EFCAB11: variants seen among roughly 807,000 people sequenced by gnomAD.
The protein encoded by EFCAB11 is EF-hand calcium binding domain 11, also known as EF-hand calcium-binding domain-containing protein 11.
A neutral mutation model predicts 23.0 loss-of-function variants in EFCAB11; 14 were observed. The ratio of observed to expected loss-of-function variants is 0.61; its 90% CI spans 0.40 to 0.95. The LOEUF is 0.95. Among genes scored for constraint, EFCAB11 ranks in the 40% least tolerant of loss-of-function variants. EFCAB11 has a pLI of 0.00. For synonymous variants in EFCAB11, 65 were observed against 66.6 expected (o/e 0.98, Z 0.11); for missense variants, 198 against 195.8 (o/e 1.01, Z -0.07).
chr14:89,861,106 C>T lies in EFCAB11; in HGVS notation c.411-63782G>A, dbSNP rs73318902. ...CTGTCTTCTCTTTGCTTCCATGAAA[C>T]TGTAAGTTCCCGGTTCTCCTCTGAC... On this transcript the variant is annotated intron_variant, in intron 5 of 5. Transcript: ENST00000316738. Among the ~76,000 whole-genome samples, 351 of 152,316 alleles carry T rather than the reference C, an allele frequency of 2.3e-3. 2 individuals carry two copies. Among genetic ancestry groups the T allele is most frequent in the African/African-American group, 8.2e-3 (339 of 41,560 alleles).
chr14:89,827,027 G>GA (rs1334024032), intron 5 of EFCAB11, among the ~76,000 whole-genome samples: 1 of 152,164 alleles, frequency 6.6e-6, no homozygotes. Flanking sequence ...GATTCGGTTA[G>GA]AAAATCAGAA....
intron 5 of EFCAB11, among the ~76,000 whole-genome samples, chr14:89,806,401 T>C (rs1170998496): frequency 1.3e-5 from 2 of 152,198 alleles, no homozygotes; most frequent in Non-Finnish European, 2.9e-5. Flanking sequence ...TATCAAGTGC[T>C]TTAACAGAGC....
rs1885553608 is a variant in EFCAB11 at position 89,795,673 on chromosome 14, A to C, written c.*1570T>G. The C allele has an allele frequency of 6.6e-6, 1 of 152,086 alleles. No individual in the cohort carries two copies. The highest frequency in any genetic ancestry group is 1.5e-5 in the Non-Finnish European group (1 of 68,010). 9.4% of individuals were successfully genotyped at this position (152,086 alleles called of 1,614,324 possible). ...AAAGTGAGACTCTGTCTCAAAAAAA[A>C]CCCGCAAACGTTTATTTTTATTAAG... On this transcript the variant is annotated 3_prime_UTR_variant, in exon 6 of 6. Coordinates refer to ENST00000316738, the MANE Select transcript of EFCAB11 (RefSeq NM_145231.4).
intron 5 of EFCAB11, among the ~76,000 whole-genome samples, chr14:89,808,992 CAGTT>C (rs1057136455): frequency 2.6e-5 from 4 of 152,174 alleles, no homozygotes; most frequent in African/African-American, 9.7e-5. Context: ...CTTCAGCTAA[CAGTT>C]AGAATTTGTT....
chr14:89,833,466 G>C (rs1041615168), intron 5 of EFCAB11, among the ~76,000 whole-genome samples: 1 of 152,074 alleles, frequency 6.6e-6, no homozygotes, highest in Non-Finnish European at 1.5e-5. Context: ...ATTATTTGTC[G>C]GATGAATGAT....
intron 5 of EFCAB11, among the ~76,000 whole-genome samples, chr14:89,896,208 C>A (rs2140195979): frequency 6.6e-6 from 1 of 152,230 alleles, no homozygotes; most frequent in East Asian, 1.9e-4. Flanking sequence ...CATGGTGAAA[C>A]CCCGTCTCTA....
intron 5 of EFCAB11, among the ~76,000 whole-genome samples, chr14:89,886,988 A>C (rs1888809327): frequency 6.6e-6 from 1 of 152,208 alleles, no homozygotes; most frequent in Non-Finnish European, 1.5e-5. Flanking sequence ...TATAGATTTG[A>C]ATTAACAAAG....
chr14:89,925,648 C>CTTTCTTTTTTT (rs749910856), intron 5 of EFCAB11, among the ~76,000 whole-genome samples: 8 of 134,712 alleles, frequency 5.9e-5, no homozygotes, highest in African/African-American at 2.0e-4. Context: ...ATGTTTCTTT[C>CTTTCTTTTTTT]TTTTTTTTTT....
intron 5 of EFCAB11, among the ~76,000 whole-genome samples, chr14:89,873,672 C>T (rs1370859375): frequency 6.6e-6 from 1 of 152,182 alleles, no homozygotes; most frequent in African/African-American, 2.4e-5. Context: ...AACAAAGGGG[C>T]TACAGGCCCC....
At chr14:89,860,071 G>T (rs1887874482) in intron 5 of EFCAB11, among the ~76,000 whole-genome samples, 1 of 152,068 alleles carries the variant, frequency 6.6e-6, no homozygotes, top group Non-Finnish European at 1.5e-5. Flanking sequence ...AGGACTAAAA[G>T]ATATCTTCAG....
At chr14:89,954,245 T>C in intron 1 of EFCAB11, 1 of 1,234,046 alleles carries the variant, frequency 8.1e-7, no homozygotes, top group Non-Finnish European at 1.1e-6. Context: ...CGCAAATTAA[T>C]TCATTTAGGC....
intron 5 of EFCAB11, among the ~76,000 whole-genome samples, chr14:89,808,340 C>T (rs944215384): frequency 5.3e-5 from 8 of 152,166 alleles, no homozygotes; most frequent in Non-Finnish European, 1.2e-4. Context: ...TTAGCAAATA[C>T]TCACCAGTAA....
intron 5 of EFCAB11, among the ~76,000 whole-genome samples, chr14:89,881,402 C>G (rs1339886046): frequency 8.1e-6 from 1 of 123,326 alleles, no homozygotes; most frequent in Non-Finnish European, 1.7e-5. Flanking sequence ...AAATTTTTAT[C>G]TAAACTATTT....
chr14:89,865,007 G>A (rs556236880), intron 5 of EFCAB11, among the ~76,000 whole-genome samples: 56 of 152,332 alleles, frequency 3.7e-4, no homozygotes, highest in African/African-American at 1.3e-3. Flanking sequence ...CAACCTTAGA[G>A]AGAAGCCAAG....
rs760410476 is a variant in EFCAB11, at chr14:89,931,574, T to G, written c.377A>C (p.Lys126Thr). 3 of 1,614,188 alleles carry G rather than the reference T, an allele frequency of 1.9e-6. No homozygotes were observed. The highest frequency in any genetic ancestry group is 2.5e-6 in the Non-Finnish European group (3 of 1,180,020). Residue 126 changes from lysine (K) to threonine (T), a missense_variant, in exon 5 of 6, where the codon AAA (lysine) becomes ACA (threonine). Transcript: ENST00000316738. ...FKKAFRQVAP[K>T]LPERTVLEVF... ...CTCAAGAACAGTCCTTTCCGGTAAT[T>G]TGGGAGCCACCTGCCTAAATGCTTT...
At position 89,931,487 on chromosome 14, in the gene EFCAB11, T is replaced by A. The variant is rs1274171504; in HGVS notation, c.410+54A>T. The A allele has an allele frequency of 3.4e-6, 5 of 1,478,332 alleles. 1 individual carries two copies. In the East Asian group the frequency reaches 1.1e-4, roughly 34 times the overall value. The allele number at this position is 1,478,332 out of a possible 1,614,324, so 91.6% of individuals were successfully genotyped here. ...TTCTTTCCATAAAGTCAAAAACATG[T>A]AAAAGCAAATGGTAAATCAAAAGGT... On this transcript the variant is annotated intron_variant, in intron 5 of 5. Coordinates refer to ENST00000316738, the MANE Select transcript of EFCAB11 (RefSeq NM_145231.4).
chr14:89,813,810 A>T (rs1427022543), intron 5 of EFCAB11, among the ~76,000 whole-genome samples: 2 of 152,246 alleles, frequency 1.3e-5, no homozygotes, highest in Non-Finnish European at 1.5e-5. Flanking sequence ...ACCATTTCAC[A>T]CTTCGAGAGT....
Position 89,932,569 on chromosome 14 carries a change from A to G in EFCAB11, c.276T>C (p.Tyr92=). 1.2e-6 allele frequency: 2 copies of G among 1,613,860 alleles called. No individual in the cohort carries two copies. The highest frequency in any genetic ancestry group is 1.7e-6 in the Non-Finnish European group (2 of 1,179,918). ...TGAAGATGTGTCTTACTTCGTTCCGATATCGTTGAGCTTCCTTCTTTTTCC... is the reference window on the plus strand; with the variant it reads ...TGAAGATGTGTCTTACTTCGTTCCGGTATCGTTGAGCTTCCTTCTTTTTCC... ...IVRKKKEAQR[Y]RNEVRHIFTA... is the part of the protein sequence containing the mutation. The change falls in exon 4 of 6, where the codon TAT becomes TAC. Residue 92 remains tyrosine (Y), a synonymous_variant. Coordinates refer to ENST00000316738, the MANE Select transcript of EFCAB11 (RefSeq NM_145231.4).
chr14:89,842,611 T>C (rs1181033852), intron 5 of EFCAB11, among the ~76,000 whole-genome samples: 1 of 149,286 alleles, frequency 6.7e-6, no homozygotes, highest in African/African-American at 2.5e-5. Flanking sequence ...TGATATGATA[T>C]GATATGATAT....
Sources: allele counts gnomAD v4.1 joint callset (sites outside exome capture counted in the v4.1 genomes callset), GRCh38; gene constraint gnomAD v4.1.1; transcripts MANE v1.5; gene names NCBI Gene and HGNC (gene_info 2026-07-23, HGNC 2026-07-21).